The following SPTBN1 variants were observed in gnomAD, a reference collection of about 807,000 sequenced individuals.
SPTBN1 encodes spectrin beta, non-erythrocytic 1.
Under a neutral mutation model 266.4 loss-of-function variants are expected in SPTBN1, and 32 were observed. The observed-to-expected ratio is 0.12, with a 90% CI of 0.09 to 0.16. SPTBN1 has a LOEUF of 0.16. Among genes scored for constraint, SPTBN1 ranks in the 10% least tolerant of loss-of-function variants. SPTBN1 has a pLI of 1.00. For missense variants in SPTBN1, 2,296 were observed against 3,067.1 expected, an observed-to-expected ratio of 0.75 and a Z score of 5.94; for synonymous variants, 1,336 against 1,162.2, an observed-to-expected ratio of 1.15 and a Z score of -3.04.
chr2:54,555,594 C>G (rs532007498), intron 2 of SPTBN1, among the ~76,000 whole-genome samples: 25 of 152,314 alleles, frequency 1.6e-4, no homozygotes, highest in African/African-American at 5.8e-4. Flanking sequence ...TTCTTACATA[C>G]CACTTCCAGA....
intron 7 of SPTBN1, among the ~76,000 whole-genome samples, chr2:54,619,002 C>G (rs1310356026): frequency 6.6e-6 from 1 of 152,118 alleles, no homozygotes; most frequent in Non-Finnish European, 1.5e-5. Flanking sequence ...GGAACTTTTT[C>G]TAATTTTGAG....
chr2:54,524,297 A>C (rs928596545), intron 1 of SPTBN1, among the ~76,000 whole-genome samples: 2 of 152,144 alleles, frequency 1.3e-5, no homozygotes, highest in African/African-American at 4.8e-5. Context: ...CTACATTTGC[A>C]GATTAACAAC....
intron 1 of SPTBN1, chr2:54,515,893 A>G (rs1175103004): frequency 6.6e-6 from 1 of 152,122 alleles, no homozygotes; most frequent in South Asian, 2.1e-4. Flanking sequence ...TTATATATCT[A>G]TGCTAATATG....
intron 10 of SPTBN1, among the ~76,000 whole-genome samples, chr2:54,624,155 T>C (rs986032163): frequency 3.9e-5 from 6 of 152,194 alleles, no homozygotes; most frequent in Non-Finnish European, 1.5e-5. Flanking sequence ...ATTTTTTTTT[T>C]AATGGAGGCA....
intron 1 of SPTBN1, among the ~76,000 whole-genome samples, chr2:54,504,690 T>C (rs1302473595): frequency 1.3e-5 from 2 of 152,206 alleles, no homozygotes; most frequent in Non-Finnish European, 2.9e-5. Context: ...TGGATTTTGG[T>C]ATTCATAAGA....
rs1671358585 is a variant in SPTBN1, at chr2:54,533,153, G to C, written c.148+6587G>C. Among the ~76,000 whole-genome samples, 1 of 152,172 alleles carries C rather than the reference G, an allele frequency of 6.6e-6. No homozygotes were observed. ...CAGGGAGCGTCTGCAGTGTGTGTCT[G>C]CTGGACAAAGGGATGATTCACATAC... On this transcript the variant is annotated intron_variant, in intron 2 of 35. Coordinates refer to ENST00000356805, the MANE Select transcript of SPTBN1 (RefSeq NM_003128.3). The surrounding 1 kb of genome is among the most constrained non-coding windows in gnomAD (Gnocchi z 4.2).
intron 2 of SPTBN1, among the ~76,000 whole-genome samples, chr2:54,584,011 C>G (rs1333907965): frequency 6.6e-6 from 1 of 152,144 alleles, no homozygotes; most frequent in Non-Finnish European, 1.5e-5. Context: ...GTGGAAATGC[C>G]TCCTGTCTGC....
At chr2:54,635,526 A>G (rs1055695403) in intron 17 of SPTBN1, among the ~76,000 whole-genome samples, 1 of 152,252 alleles carries the variant, frequency 6.6e-6, no homozygotes, top group South Asian at 2.1e-4. Context: ...CCGGGCATGC[A>G]TGAGAGTTGA....
Position 54,668,975 on chromosome 2 carries a change from T to C in SPTBN1, c.*406T>C, listed in dbSNP as rs1435629513. The C allele has an allele frequency of 4.6e-6, 1 of 219,206 alleles. No individual in the cohort carries two copies. The highest frequency in any genetic ancestry group is 9.2e-6 in the Non-Finnish European group (1 of 108,438). 13.6% of individuals were successfully genotyped at this position (219,206 alleles called of 1,614,324 possible). Reference sequence around the variant, plus strand: ...ATATCCTGACACCATTCTCTCTCCATTTACTTCTGGTGGTTACCCTGACTC... The same window carrying C: ...ATATCCTGACACCATTCTCTCTCCACTTACTTCTGGTGGTTACCCTGACTC... On this transcript the variant is annotated 3_prime_UTR_variant, in exon 36 of 36. Coordinates refer to ENST00000356805, the MANE Select transcript of SPTBN1 (RefSeq NM_003128.3).
intron 34 of SPTBN1, among the ~76,000 whole-genome samples, chr2:54,666,495 G>A (rs1050194030): frequency 6.6e-6 from 1 of 152,224 alleles, no homozygotes; most frequent in Non-Finnish European, 1.5e-5. Context: ...GATGGGTCAA[G>A]TGAGTCATCC....
intron 2 of SPTBN1, among the ~76,000 whole-genome samples, chr2:54,562,490 C>T (rs1338218477): frequency 6.6e-6 from 1 of 150,772 alleles, no homozygotes; most frequent in Non-Finnish European, 1.5e-5. Flanking sequence ...AATGCCTACT[C>T]TTCCATTTCA....
chr2:54,642,985 G>A lies in SPTBN1; in HGVS notation c.3861G>A (p.Leu1287=). The A allele has an allele frequency of 1.2e-6, 2 of 1,611,632 alleles. No individual in the cohort carries two copies. Among genetic ancestry groups the A allele is most frequent in the Middle Eastern group, 1.7e-4 (1 of 6,046 alleles). The change falls in exon 19 of 36, where the codon CTG becomes CTA. Residue 1287 remains leucine (L), a splice_region_variant and synonymous_variant. Coordinates refer to ENST00000356805, the MANE Select transcript of SPTBN1 (RefSeq NM_003128.3). The part of the protein sequence containing the change: ...LQKFLQDCQE[L]SLWINEKMLT... ...GAATCCTTCTGATCTTTCTGTAGCT[G>A]TCTCTCTGGATCAATGAGAAGATGC... is the stretch of plus-strand genomic sequence containing the variant.
chr2:54,456,506 C>G lies in SPTBN1; in HGVS notation c.-60C>G, dbSNP rs945335027. 1 of 151,882 alleles carries G rather than the reference C, an allele frequency of 6.6e-6. No homozygotes were observed. The highest frequency in any genetic ancestry group is 1.5e-5 in the Non-Finnish European group (1 of 67,928). The allele number at this position is 151,882 out of a possible 1,614,324, so 9.4% of individuals were successfully genotyped here. On this transcript the variant is annotated 5_prime_UTR_variant, in exon 1 of 36. Coordinates refer to ENST00000356805, the MANE Select transcript of SPTBN1 (RefSeq NM_003128.3). Reference sequence around the variant, plus strand: ...AGGACGGGACCCCGGCGCCCCCACCCCATCCCCGGGAGGTAGGTAGGGGGC... The same window carrying G: ...AGGACGGGACCCCGGCGCCCCCACCGCATCCCCGGGAGGTAGGTAGGGGGC...
At chr2:54,489,163 A>C (rs10203778) in intron 1 of SPTBN1, among the ~76,000 whole-genome samples, 84 of 123,690 alleles carry the variant, frequency 6.8e-4, no homozygotes, top group Non-Finnish European at 5.8e-4. Context: ...AAAAAAAAAA[A>C]AAAAAAAAAA....
intron 1 of SPTBN1, among the ~76,000 whole-genome samples, chr2:54,477,026 T>TA (rs1667866525): frequency 6.6e-6 from 1 of 151,876 alleles, no homozygotes; most frequent in African/African-American, 2.4e-5. Context: ...GTTTTTTTTT[T>TA]ATTGGCTTCA....
intron 1 of SPTBN1, among the ~76,000 whole-genome samples, chr2:54,489,440 C>T (rs1302450303): frequency 6.6e-6 from 1 of 152,186 alleles, no homozygotes; most frequent in East Asian, 1.9e-4. Flanking sequence ...GTGGCTCACA[C>T]CTGTAATCCC....
At position 54,646,068 on chromosome 2, in the gene SPTBN1, T is replaced by C; in HGVS notation, c.4584+51T>C. ...CTGTCTGATAAATAATTGCTCTAAA[T>C]TATGAGACTGGGAATGGCAGAGAGC... On this transcript the variant is annotated intron_variant, in intron 22 of 35. Coordinates refer to ENST00000356805, the MANE Select transcript of SPTBN1 (RefSeq NM_003128.3). The surrounding 1 kb of genome is among the most constrained non-coding windows in gnomAD (Gnocchi z 4.4). 29 of 1,613,012 alleles carry C rather than the reference T, an allele frequency of 1.8e-5. No individual in the cohort carries two copies. Among genetic ancestry groups the C allele is most frequent in the Non-Finnish European group, 2.5e-5 (29 of 1,179,182 alleles).
rs1175687081 is a variant in SPTBN1, at chr2:54,540,104, A to G, written c.148+13538A>G. On this transcript the variant is annotated intron_variant, in intron 2 of 35. Coordinates refer to ENST00000356805, the MANE Select transcript of SPTBN1 (RefSeq NM_003128.3). This position sits in a 1 kb window ranked among gnomAD's most constrained non-coding sequence, Gnocchi z 5.6. ...GAAGAGGTCCTTCACCAAGAACCCA[A>G]CCATGCTGGCACCCTGACTTCCAGC... is the stretch of plus-strand genomic sequence containing the variant. 6.6e-6 allele frequency among the ~76,000 whole-genome samples: 1 copy of G among 152,218 alleles called. No homozygotes were observed. The highest frequency in any genetic ancestry group is 6.5e-5 in the Admixed American group (1 of 15,284).
At chr2:54,464,034 A>G (rs1460203600) in intron 1 of SPTBN1, among the ~76,000 whole-genome samples, 2 of 152,196 alleles carry the variant, frequency 1.3e-5, no homozygotes, top group Non-Finnish European at 2.9e-5. Context: ...TAATGGATAG[A>G]TATTATGCTC....
Sources: gnomAD v4.1 joint callset for allele counts (sites outside exome capture counted in the v4.1 genomes callset) on GRCh38, gnomAD v4.1.1 for gene constraint, Gnocchi (gnomAD v3.1) non-coding constraint, MANE v1.5 for transcripts, NCBI Gene and HGNC (gene_info 2026-07-23, HGNC 2026-07-21) for gene names.